Variants in ARHGAP19 observed in about 807,000 individuals in gnomAD.
The protein encoded by ARHGAP19 is Rho GTPase activating protein 19, also known as rho GTPase-activating protein 19.
Under a neutral mutation model 60.9 loss-of-function variants are expected in ARHGAP19, and 48 were observed. The ratio of observed to expected loss-of-function variants is 0.79; its 90% CI spans 0.62 to 1.00. The LOEUF is 1.00. Among genes scored for constraint, ARHGAP19 ranks in the 50% least tolerant of loss-of-function variants. The pLI is 0.00. For synonymous variants in ARHGAP19, 209 were observed against 215.5 expected (o/e 0.97, Z 0.27); for missense variants, 562 against 597.2 (o/e 0.94, Z 0.61).
At chr10:97,246,452 AG>A (rs1842565438) in intron 6 of ARHGAP19, 115 bp from the exon 7 acceptor site, 3 of 801,482 alleles carry the variant, frequency 3.7e-6, no homozygotes, top group Non-Finnish European at 6.1e-6. Context: ...ACTTTTAAAA[AG>A]CCAAAGATCC....
intron 5 of ARHGAP19, among the ~76,000 whole-genome samples, chr10:97,257,065 G>A (rs1842764389): frequency 1.3e-5 from 2 of 152,212 alleles, no homozygotes; most frequent in South Asian, 4.2e-4. Context: ...AGCTTGCAGT[G>A]AGCCGAGACC....
rs535285854 is a variant in ARHGAP19 at position 97,239,360 on chromosome 10, G to A, written c.1186-4045C>T. On this transcript the variant is annotated intron_variant, in intron 8 of 11. Coordinates refer to ENST00000358531, the MANE Select transcript of ARHGAP19 (RefSeq NM_032900.6). ...TACAAAAAAAAATTAGCCAGGCATG[G>A]TGGCACGCGCCTGTAGTCCCAGCTA... is the stretch of plus-strand genomic sequence containing the variant. 4.6e-5 allele frequency among the ~76,000 whole-genome samples: 7 copies of A among 152,212 alleles called. No individual in the cohort carries two copies. The South Asian group carries it at 1.5e-3, about 32-fold the overall frequency.
At chr10:97,231,933 G>T (rs1851025556) in intron 9 of ARHGAP19, among the ~76,000 whole-genome samples, 1 of 150,540 alleles carries the variant, frequency 6.6e-6, no homozygotes, top group Admixed American at 6.6e-5. Context: ...AATGCATAGG[G>T]GTTCCAAATT....
intron 3 of ARHGAP19, among the ~76,000 whole-genome samples, chr10:97,264,007 C>G (rs115828406): frequency 6.6e-5 from 10 of 152,158 alleles, no homozygotes; most frequent in Admixed American, 6.5e-4. Flanking sequence ...TTTGGAGGGG[C>G]TACATACATC....
rs1842528561 is a variant in ARHGAP19 at position 97,244,106 on chromosome 10, CTT to C, written c.1045_1046del (p.Lys349ValfsTer33). The C allele has an allele frequency of 1.2e-6, 2 of 1,613,892 alleles. No homozygotes were observed. The highest frequency in any genetic ancestry group is 1.3e-5 in the African/African-American group (1 of 74,892). Reference protein sequence around the residue: ...SCHTKSFQLAKSQKRNRVDSC... With the variant: ...SCHTKSFQLAXSQKRNRVDSC... Reference sequence around the variant, plus strand: ...AATCTACCCGGTTCCGTTTCTGAGACTTTGCCAGCTGAAAGGACTTAGTATGA... The same window carrying C: ...AATCTACCCGGTTCCGTTTCTGAGACTGCCAGCTGAAAGGACTTAGTATGA... On this transcript the variant is annotated frameshift_variant, in exon 8 of 12. Coordinates refer to ENST00000358531, the MANE Select transcript of ARHGAP19 (RefSeq NM_032900.6). LOFTEE classifies it high-confidence loss of function.
chr10:97,283,494 C>T (rs1843115111), intron 1 of ARHGAP19, among the ~76,000 whole-genome samples: 1 of 151,594 alleles, frequency 6.6e-6, no homozygotes, highest in South Asian at 2.1e-4. Context: ...ACGGAGGCTG[C>T]AGCAAGCTGA....
chr10:97,227,200 A>G (rs1300644561), intron 11 of ARHGAP19, among the ~76,000 whole-genome samples: 1 of 152,222 alleles, frequency 6.6e-6, no homozygotes, highest in Non-Finnish European at 1.5e-5. Flanking sequence ...TATCTTCTTC[A>G]AAGAATATGT....
At chr10:97,258,274 C>T (rs1276175015) in intron 5 of ARHGAP19, among the ~76,000 whole-genome samples, 1 of 152,094 alleles carries the variant, frequency 6.6e-6, no homozygotes, top group East Asian at 1.9e-4. Flanking sequence ...ACCTGTAATC[C>T]CAGCACTTCG....
chr10:97,229,535 C>T (rs1411939089), intron 10 of ARHGAP19, among the ~76,000 whole-genome samples: 1 of 151,918 alleles, frequency 6.6e-6, no homozygotes, highest in Non-Finnish European at 1.5e-5. Flanking sequence ...CTGTACTGTA[C>T]TACTCATCTG....
intron 1 of ARHGAP19, among the ~76,000 whole-genome samples, chr10:97,278,831 T>C (rs1843050216): frequency 6.6e-6 from 1 of 151,592 alleles, no homozygotes; most frequent in Non-Finnish European, 1.5e-5. Flanking sequence ...AAAAACTGCA[T>C]CCTGCAGATG....
chr10:97,288,899 C>T (rs1209617254), intron 1 of ARHGAP19, among the ~76,000 whole-genome samples: 1 of 147,744 alleles, frequency 6.8e-6, no homozygotes, highest in Non-Finnish European at 1.5e-5. Context: ...ACTGCAACCT[C>T]TGCCTCCCGG....
chr10:97,237,832 T>C (rs190671520), intron 8 of ARHGAP19, among the ~76,000 whole-genome samples: 155 of 151,956 alleles, frequency 1.0e-3, no homozygotes, highest in Admixed American at 2.6e-3. Context: ...GTCTGCGTCA[T>C]TGCACTCCAG....
chr10:97,239,414 T>G (rs1029081566), intron 8 of ARHGAP19, among the ~76,000 whole-genome samples: 2 of 151,884 alleles, frequency 1.3e-5, no homozygotes, highest in African/African-American at 2.4e-5. Context: ...GGGAATTGCT[T>G]GAACCCAGGA....
At chr10:97,246,935 C>A (rs1191539613) in intron 6 of ARHGAP19, among the ~76,000 whole-genome samples, 4 of 151,944 alleles carry the variant, frequency 2.6e-5, no homozygotes, top group African/African-American at 9.7e-5. Flanking sequence ...GTCAGGAGTT[C>A]GAGACCAGCC....
At chr10:97,254,680 C>T (rs551280419) in intron 6 of ARHGAP19, among the ~76,000 whole-genome samples, 1 of 152,216 alleles carries the variant, frequency 6.6e-6, no homozygotes, top group East Asian at 1.9e-4. Context: ...AAAAAATTGA[C>T]AAATTAGACT....
At chr10:97,241,578 T>C (rs1842482481) in intron 8 of ARHGAP19, among the ~76,000 whole-genome samples, 1 of 151,554 alleles carries the variant, frequency 6.6e-6, no homozygotes, top group Non-Finnish European at 1.5e-5. Context: ...TCAGGCGTTG[T>C]GACACATGCA....
intron 1 of ARHGAP19, among the ~76,000 whole-genome samples, chr10:97,286,459 G>A (rs918167396): frequency 1.3e-5 from 2 of 152,172 alleles, no homozygotes; most frequent in Non-Finnish European, 2.9e-5. Flanking sequence ...GGACGTGGTG[G>A]CACATGGCTG....
At chr10:97,228,012 G>A (rs995721672) in intron 11 of ARHGAP19, among the ~76,000 whole-genome samples, 3 of 152,170 alleles carry the variant, frequency 2.0e-5, no homozygotes, top group Non-Finnish European at 4.4e-5. Flanking sequence ...CTTATGCTTG[G>A]TTTTGATTCA....
intron 5 of ARHGAP19, among the ~76,000 whole-genome samples, chr10:97,257,447 C>T (rs1842771129): frequency 1.3e-5 from 2 of 151,964 alleles, no homozygotes; most frequent in Admixed American, 1.3e-4. Flanking sequence ...GCCACCACGT[C>T]CAGCTTATTT....
Sources: allele counts gnomAD v4.1 joint callset (sites outside exome capture counted in the v4.1 genomes callset), GRCh38; gene constraint gnomAD v4.1.1; transcripts MANE v1.5; gene names NCBI Gene and HGNC (gene_info 2026-07-23, HGNC 2026-07-21).